Variants in TEX36 observed in about 807,000 individuals in gnomAD.
The protein encoded by TEX36 is testis expressed 36.
A neutral mutation model predicts 13.6 loss-of-function variants in TEX36; 12 were observed. The observed-to-expected ratio is 0.88, with a 90% CI of 0.56 to 1.43. The LOEUF (loss-of-function observed/expected upper bound fraction) is 1.43. TEX36 is among the 40% of genes most tolerant of loss of function. The pLI is 0.00. For synonymous variants in TEX36, 93 were observed against 83.0 expected (o/e 1.12, Z -0.65); for missense variants, 224 against 228.3 (o/e 0.98, Z 0.12).
intron 3 of TEX36, among the ~76,000 whole-genome samples, chr10:125,625,176 C>T (rs1019321372): frequency 2.0e-5 from 3 of 152,210 alleles, no homozygotes; most frequent in Admixed American, 6.5e-5. Context: ...TGCGTGCATC[C>T]TAATCTCCCA....
chr10:125,624,576 T>A (rs893488732), intron 3 of TEX36, among the ~76,000 whole-genome samples: 1 of 151,566 alleles, frequency 6.6e-6, no homozygotes, highest in East Asian at 1.9e-4. Context: ...GAGGTCTCCA[T>A]ACACTCCCCA....
intron 3 of TEX36, among the ~76,000 whole-genome samples, chr10:125,588,502 C>T (rs567716537): frequency 1.6e-4 from 25 of 152,266 alleles, no homozygotes; most frequent in Middle Eastern, 3.4e-3. Context: ...CAGGAAGCTT[C>T]CACTCATGGT....
intron 3 of TEX36, among the ~76,000 whole-genome samples, chr10:125,630,702 G>C (rs537582843): frequency 6.6e-6 from 1 of 152,244 alleles, no homozygotes; most frequent in African/African-American, 2.4e-5. Context: ...GTGTCTGTTA[G>C]GGGGATGGCA....
At chr10:125,621,609 A>G (rs970071784), downstream of TEX36, 20 of 456,038 alleles carry the variant, frequency 4.4e-5, no homozygotes, top group East Asian at 7.0e-5. Context: ...GACTCACATG[A>G]TCACAAAGAG....
At chr10:125,626,409 G>C (rs544676182) in intron 3 of TEX36, among the ~76,000 whole-genome samples, 108 of 152,350 alleles carry the variant, frequency 7.1e-4, no homozygotes, top group African/African-American at 2.1e-3. Flanking sequence ...TCATGTGCCT[G>C]CTGTGGTGCT....
intron 3 of TEX36, among the ~76,000 whole-genome samples, chr10:125,622,810 C>T (rs865925672): frequency 4.6e-5 from 7 of 152,214 alleles, no homozygotes; most frequent in Admixed American, 2.6e-4. Context: ...CCCCAACCAA[C>T]ACTGGAACTC....
At chr10:125,585,372 T>C (rs888581481) in intron 3 of TEX36, among the ~76,000 whole-genome samples, 1 of 152,182 alleles carries the variant, frequency 6.6e-6, no homozygotes, top group Non-Finnish European at 1.5e-5. Context: ...CCCCAAAGTA[T>C]GGCACGTTGG....
chr10:125,605,157 G>C (rs1846199811), intron 3 of TEX36, among the ~76,000 whole-genome samples: 1 of 152,184 alleles, frequency 6.6e-6, no homozygotes, highest in Non-Finnish European at 1.5e-5. Flanking sequence ...CCCAGGCACA[G>C]CACGCAGGGC....
intron 1 of TEX36, among the ~76,000 whole-genome samples, chr10:125,679,044 C>T (rs1446668793): frequency 6.6e-6 from 1 of 151,812 alleles, no homozygotes; most frequent in Admixed American, 6.6e-5. Flanking sequence ...AACACACATC[C>T]CTCTCATGCT....
chr10:125,590,282 TA>T (rs892717973), intron 3 of TEX36, among the ~76,000 whole-genome samples: 107 of 151,242 alleles, frequency 7.1e-4, no homozygotes, highest in African/African-American at 2.3e-3. Flanking sequence ...GCTAATTTTT[TA>T]AAAAAAAAAT....
At chr10:125,594,763 A>G (rs1196399272) in intron 3 of TEX36, among the ~76,000 whole-genome samples, 2 of 152,246 alleles carry the variant, frequency 1.3e-5, no homozygotes, top group African/African-American at 4.8e-5. Flanking sequence ...AAAAAAGGTT[A>G]AAATTGATAA....
At chr10:125,666,087 GT>G (rs888565994) in intron 1 of TEX36, among the ~76,000 whole-genome samples, 5 of 151,746 alleles carry the variant, frequency 3.3e-5, no homozygotes, top group African/African-American at 4.8e-5. Flanking sequence ...TCTAAGTGGG[GT>G]TTTTTTTGGT....
intron 3 of TEX36, among the ~76,000 whole-genome samples, chr10:125,592,021 T>A (rs1237144927): frequency 6.6e-6 from 1 of 152,210 alleles, no homozygotes; most frequent in Admixed American, 6.5e-5. Context: ...CTCTACATGT[T>A]GAATGTGCTT....
intron 3 of TEX36, among the ~76,000 whole-genome samples, chr10:125,611,799 C>T (rs1308452462): frequency 6.6e-6 from 1 of 151,904 alleles, no homozygotes; most frequent in African/African-American, 2.4e-5. Context: ...AATTATCCCT[C>T]TATGTTTTCT....
chr10:125,588,766 C>A (rs1412539770), intron 3 of TEX36, among the ~76,000 whole-genome samples: 1 of 152,206 alleles, frequency 6.6e-6, no homozygotes, highest in Non-Finnish European at 1.5e-5. Context: ...AGGCGTGTGC[C>A]ACCACGCCCA....
intron 1 of TEX36, among the ~76,000 whole-genome samples, chr10:125,674,828 C>T (rs1847287795): frequency 6.6e-6 from 1 of 152,234 alleles, no homozygotes; most frequent in South Asian, 2.1e-4. Flanking sequence ...CCCAGAGGGA[C>T]ACTGACCTGA....
intron 1 of TEX36, chr10:125,667,577 G>A: frequency 1.4e-6 from 1 of 737,338 alleles, no homozygotes; most frequent in South Asian, 1.4e-5. Context: ...CAACCCTTGG[G>A]TGGTGGTCTC....
At chr10:125,613,707 T>A (rs1458755130) in intron 3 of TEX36, among the ~76,000 whole-genome samples, 2 of 152,122 alleles carry the variant, frequency 1.3e-5, no homozygotes, top group Admixed American at 1.3e-4. Flanking sequence ...TGGTTCCAAG[T>A]CTTTGCTATT....
intron 1 of TEX36, among the ~76,000 whole-genome samples, chr10:125,675,898 G>T (rs1847302738): frequency 6.6e-6 from 1 of 152,198 alleles, no homozygotes; most frequent in Non-Finnish European, 1.5e-5. Context: ...GGAGCATGTT[G>T]TTTAATTCCT....
Sources: gnomAD v4.1 joint callset for allele counts (sites outside exome capture counted in the v4.1 genomes callset) on GRCh38, gnomAD v4.1.1 for gene constraint, MANE v1.5 for transcripts, NCBI Gene and HGNC (gene_info 2026-07-23, HGNC 2026-07-21) for gene names.